The following SLC4A10 variants were observed in gnomAD, a reference collection of about 807,000 sequenced individuals.
The protein encoded by SLC4A10 is sodium-driven chloride bicarbonate exchanger.
In SLC4A10, 42 loss-of-function variants were observed where a neutral mutation model predicts 137.7. The observed-to-expected ratio is 0.30, with a 90% CI of 0.24 to 0.39. The LOEUF (loss-of-function observed/expected upper bound fraction) is 0.39. SLC4A10 is among the 10% of genes least tolerant of loss of function. The pLI, the probability that SLC4A10 is intolerant of heterozygous loss-of-function variation, is 1.00. For missense variants in SLC4A10, 925 were observed against 1,355.0 expected (o/e 0.68, Z 4.98); for synonymous variants, 474 against 464.1 (o/e 1.02, Z -0.27).
At chr2:161,670,596 T>A (rs1333655441) in intron 1 of SLC4A10, among the ~76,000 whole-genome samples, 1 of 152,078 alleles carries the variant, frequency 6.6e-6, no homozygotes, top group Admixed American at 6.6e-5. Flanking sequence ...ACAAGGTATT[T>A]ATTATGGGAT....
At chr2:161,899,700 C>G (rs1177044141) in intron 11 of SLC4A10, among the ~76,000 whole-genome samples, 1 of 152,074 alleles carries the variant, frequency 6.6e-6, no homozygotes, top group Non-Finnish European at 1.5e-5. Context: ...CCTGTGAAAG[C>G]TATGAATTGT....
chr2:161,708,121 A>G (rs929821003), intron 1 of SLC4A10, among the ~76,000 whole-genome samples: 1 of 151,510 alleles, frequency 6.6e-6, no homozygotes, highest in Admixed American at 6.6e-5. Context: ...TTAAAGGGTG[A>G]ATATGTATTT....
intron 3 of SLC4A10, among the ~76,000 whole-genome samples, chr2:161,836,566 AAGAAAGAAAG>A (rs1559359316): frequency 7.7e-6 from 1 of 129,822 alleles, no homozygotes; most frequent in Non-Finnish European, 1.6e-5. Context: ...GAAAGAAAGA[AAGAAAGAAAG>A]AAAGAAAGAA....
At chr2:161,676,109 T>G (rs2040249341) in intron 1 of SLC4A10, among the ~76,000 whole-genome samples, 1 of 152,186 alleles carries the variant, frequency 6.6e-6, no homozygotes. Flanking sequence ...GTAAACACTT[T>G]GTGGGTATGC....
intron 16 of SLC4A10, among the ~76,000 whole-genome samples, chr2:161,944,912 T>C (rs1575775170): frequency 6.6e-6 from 1 of 151,498 alleles, no homozygotes; most frequent in East Asian, 1.9e-4. Flanking sequence ...TTTGTTAAAA[T>C]AGTGACATAA....
At chr2:161,844,643 T>C (rs72879281) in intron 4 of SLC4A10, among the ~76,000 whole-genome samples, 9,208 of 152,178 alleles carry the variant, frequency 0.061, 366 homozygotes, top group East Asian at 0.13. Context: ...ACTGAGTTAG[T>C]GAGAATAGAA....
intron 7 of SLC4A10, 182 bp from the exon 8 acceptor site, chr2:161,873,734 G>A (rs536193013): frequency 1.9e-6 from 1 of 521,860 alleles, no homozygotes; most frequent in South Asian, 2.4e-5. Context: ...AGTAGAGGAA[G>A]TAGCCTGAAT....
In SLC4A10 at chr2:161,854,752, CT is replaced by C. The variant is rs985770524; in HGVS notation, c.417-211del. 5.9e-5 allele frequency among the ~76,000 whole-genome samples: 9 copies of C among 151,952 alleles called. No individual in the cohort carries two copies. In the East Asian group the frequency reaches 7.7e-4, roughly 13 times the overall value. ...AGTTAACAAAATAACATGAGTTTTC[CT>C]TTTTTTCAATTATTTTTTAATTGCA... is the stretch of plus-strand genomic sequence containing the variant. On this transcript the variant is annotated intron_variant, in intron 4 of 26. Coordinates refer to ENST00000446997, the MANE Select transcript of SLC4A10 (RefSeq NM_001178015.2).
chr2:161,841,173 G>T, intron 4 of SLC4A10, among the ~76,000 whole-genome samples: 1 of 152,068 alleles, frequency 6.6e-6, no homozygotes, highest in Non-Finnish European at 1.5e-5. Flanking sequence ...TGCCTCCCTG[G>T]TTCAAGCCAT....
chr2:161,729,920 G>A (rs2046652892), intron 1 of SLC4A10, among the ~76,000 whole-genome samples: 1 of 152,156 alleles, frequency 6.6e-6, no homozygotes, highest in Non-Finnish European at 1.5e-5. Context: ...GTAACACTGA[G>A]TTAATGTGGC....
chr2:161,891,774 C>A (rs1368691711), intron 10 of SLC4A10, among the ~76,000 whole-genome samples: 1 of 151,998 alleles, frequency 6.6e-6, no homozygotes, highest in Non-Finnish European at 1.5e-5. Context: ...TTGTTATTAA[C>A]CACCTTCTGA....
rs951408363 is a variant in SLC4A10 at position 161,901,527 on chromosome 2, GT to G, written c.1442+523del. On this transcript the variant is annotated intron_variant, in intron 12 of 26. Transcript: ENST00000446997. ...TTATTTCTTAAAATGGTGCTTCATG[GT>G]TTTTTTGACAGCTTGTCTCTCTCTA... Among the ~76,000 whole-genome samples the G allele has an allele frequency of 2.0e-5, 3 of 152,092 alleles. No individual in the cohort carries two copies. In the East Asian group the frequency reaches 5.8e-4, roughly 29 times the overall value.
At chr2:161,706,166 T>C (rs1305818028) in intron 1 of SLC4A10, among the ~76,000 whole-genome samples, 2 of 151,528 alleles carry the variant, frequency 1.3e-5, no homozygotes, top group East Asian at 1.9e-4. Context: ...TCAGGTTTCA[T>C]GTTTTTATTG....
intron 4 of SLC4A10, among the ~76,000 whole-genome samples, chr2:161,844,738 T>C (rs2059391128): frequency 6.6e-6 from 1 of 152,096 alleles, no homozygotes; most frequent in African/African-American, 2.4e-5. Context: ...TATATTTTAA[T>C]AGGAGTATTG....
chr2:161,629,874 T>C (rs1252819611), intron 1 of SLC4A10, among the ~76,000 whole-genome samples: 6 of 151,906 alleles, frequency 3.9e-5, no homozygotes, highest in Non-Finnish European at 8.8e-5. Flanking sequence ...TGATATCTCA[T>C]TTCTGTTTAT....
At chr2:161,757,237 A>G (rs2049756092) in intron 1 of SLC4A10, among the ~76,000 whole-genome samples, 1 of 152,146 alleles carries the variant, frequency 6.6e-6, no homozygotes, top group African/African-American at 2.4e-5. Context: ...AAAACTGCCC[A>G]TGTACCCTCT....
intron 1 of SLC4A10, among the ~76,000 whole-genome samples, chr2:161,755,242 A>T (rs2049482321): frequency 6.6e-6 from 1 of 152,152 alleles, no homozygotes; most frequent in Admixed American, 6.5e-5. Flanking sequence ...GCTTCAGAGA[A>T]CTGTTTATTT....
Position 161,974,647 on chromosome 2 carries a change from G to A in SLC4A10, c.3227+331G>A, listed in dbSNP as rs563924102. On this transcript the variant is annotated intron_variant, in intron 24 of 26. Transcript: ENST00000446997. Reference sequence around the variant, plus strand: ...ATCAAGGTTCCTTTTTTGTATAAGTGACTAGTTATTCACTAAGTTGATCAC... The same window carrying A: ...ATCAAGGTTCCTTTTTTGTATAAGTAACTAGTTATTCACTAAGTTGATCAC... 4.1e-4 allele frequency among the ~76,000 whole-genome samples: 62 copies of A among 152,232 alleles called. 1 individual carries two copies. The South Asian group carries it at 0.012, about 30-fold the overall frequency.
At chr2:161,926,388 T>C (rs1389599131) in intron 15 of SLC4A10, among the ~76,000 whole-genome samples, 1 of 44,404 alleles carries the variant, frequency 2.3e-5, no homozygotes, top group Non-Finnish European at 4.5e-5. Flanking sequence ...TTTTTTTGGT[T>C]TTTTTTTTTT....
Sources: allele counts gnomAD v4.1 joint callset (sites outside exome capture counted in the v4.1 genomes callset), GRCh38; gene constraint gnomAD v4.1.1; transcripts MANE v1.5; gene names NCBI Gene and HGNC (gene_info 2026-07-23, HGNC 2026-07-21).